The following KCNQ5 variants were observed in gnomAD, a reference collection of about 807,000 sequenced individuals.
The protein encoded by KCNQ5 is potassium voltage-gated channel subfamily KQT member 5.
In KCNQ5, 30 loss-of-function variants were observed where a neutral mutation model predicts 98.2. The observed-to-expected ratio is 0.31, with a 90% CI of 0.23 to 0.41. The LOEUF is 0.41. Among genes scored for constraint, KCNQ5 ranks in the 10% least tolerant of loss-of-function variants. The pLI is 1.00. For synonymous variants in KCNQ5, 458 were observed against 449.4 expected (o/e 1.02, Z -0.24); for missense variants, 835 against 1,182.5 (o/e 0.71, Z 4.31).
At chr6:72,785,626 G>C (rs1773699028) in intron 1 of KCNQ5, among the ~76,000 whole-genome samples, 1 of 148,696 alleles carries the variant, frequency 6.7e-6, no homozygotes, top group Non-Finnish European at 1.5e-5. Context: ...CTCCAGCCTG[G>C]GCAACAAGAG....
rs542923213 is a variant in KCNQ5 at position 72,684,392 on chromosome 6, C to T, written c.398+61805C>T. On this transcript the variant is annotated intron_variant, in intron 1 of 13. Transcript: ENST00000370398. ...CACCGACAAAGTATTGTGGTTTCTT[C>T]CCAAGAAACTATTTCTTAACTATTT... is the stretch of plus-strand genomic sequence containing the variant. 3.3e-5 allele frequency among the ~76,000 whole-genome samples: 5 copies of T among 152,270 alleles called. No individual in the cohort carries two copies. In the South Asian group the frequency reaches 1.0e-3, roughly 32 times the overall value.
chr6:73,129,743 C>T (rs763703581), intron 9 of KCNQ5: 3 of 1,510,810 alleles, frequency 2.0e-6, no homozygotes, highest in Non-Finnish European at 2.7e-6. Context: ...GAGCACTTTC[C>T]TATTCGTGAA....
intron 1 of KCNQ5, among the ~76,000 whole-genome samples, chr6:72,729,121 T>C (rs1770427732): frequency 6.6e-6 from 1 of 152,210 alleles, no homozygotes; most frequent in African/African-American, 2.4e-5. Context: ...CTATGTATTA[T>C]TCCATTTAAT....
At chr6:72,832,129 A>G (rs1776301314) in intron 1 of KCNQ5, among the ~76,000 whole-genome samples, 1 of 152,126 alleles carries the variant, frequency 6.6e-6, no homozygotes, top group African/African-American at 2.4e-5. Flanking sequence ...AGTCTGGACT[A>G]AAGATGCATA....
At position 73,194,407 on chromosome 6, in the gene KCNQ5, T is replaced by C. The variant is rs573131489; in HGVS notation, c.1837-45T>C. The stretch of plus-strand genomic sequence containing the variant: ...AAAATTAAAAAATGAAGTCCATTCT[T>C]AATAACAGATTATACTCATGTGTAA... On this transcript the variant is annotated intron_variant, in intron 13 of 13. Coordinates refer to ENST00000370398, the MANE Select transcript of KCNQ5 (RefSeq NM_019842.4). 4 of 1,533,846 alleles carry C rather than the reference T, an allele frequency of 2.6e-6. No homozygotes were observed. The East Asian group carries it at 9.1e-5, about 35-fold the overall frequency.
intron 1 of KCNQ5, among the ~76,000 whole-genome samples, chr6:72,823,158 A>G (rs1358121083): frequency 1.3e-5 from 2 of 152,162 alleles, no homozygotes; most frequent in East Asian, 3.9e-4. Context: ...CTTAATTGTA[A>G]ATTTGAAACT....
At chr6:72,851,508 G>GT (rs1360853936) in intron 1 of KCNQ5, among the ~76,000 whole-genome samples, 2 of 151,840 alleles carry the variant, frequency 1.3e-5, no homozygotes, top group Admixed American at 6.6e-5. Context: ...ATTCCCACTT[G>GT]TTTTTTTAAT....
At chr6:73,191,915 G>C (rs945043442) in intron 12 of KCNQ5, among the ~76,000 whole-genome samples, 3 of 152,138 alleles carry the variant, frequency 2.0e-5, no homozygotes, top group Non-Finnish European at 4.4e-5. Flanking sequence ...TCTCATTTAG[G>C]CTGGTCAAGT....
intron 1 of KCNQ5, among the ~76,000 whole-genome samples, chr6:72,734,921 T>C (rs1049646861): frequency 2.0e-5 from 3 of 152,218 alleles, no homozygotes; most frequent in Non-Finnish European, 4.4e-5. Flanking sequence ...TAATCTAATT[T>C]TCAATTTCAC....
chr6:72,867,262 A>G (rs923771745), intron 1 of KCNQ5, among the ~76,000 whole-genome samples: 4 of 152,256 alleles, frequency 2.6e-5, no homozygotes, highest in African/African-American at 9.6e-5. Context: ...TCTTTAAAAA[A>G]GTAATTGTAA....
At chr6:73,059,435 A>G (rs1309954536) in intron 3 of KCNQ5, among the ~76,000 whole-genome samples, 1 of 152,156 alleles carries the variant, frequency 6.6e-6, no homozygotes, top group African/African-American at 2.4e-5. Flanking sequence ...GAGGAGGGAG[A>G]GCATAAAAAA....
In KCNQ5 at chr6:72,835,545, A is replaced by G. The variant is rs545923802; in HGVS notation, c.399-168363A>G. 3.3e-5 allele frequency among the ~76,000 whole-genome samples: 5 copies of G among 152,302 alleles called. No individual in the cohort carries two copies. The South Asian group carries it at 1.0e-3, about 32-fold the overall frequency. On this transcript the variant is annotated intron_variant, in intron 1 of 13. Transcript: ENST00000370398. Reference sequence around the variant, plus strand: ...TTCACTCACTATTTTTATCATGAGTAGAGTAAATTTATCAACCATGTTATT... The same window carrying G: ...TTCACTCACTATTTTTATCATGAGTGGAGTAAATTTATCAACCATGTTATT...
intron 1 of KCNQ5, among the ~76,000 whole-genome samples, chr6:72,834,170 C>T (rs1170248316): frequency 6.6e-6 from 1 of 151,894 alleles, no homozygotes; most frequent in Non-Finnish European, 1.5e-5. Context: ...GGGGTGGATA[C>T]ATGAGTGTTT....
At chr6:72,856,471 T>TAC (rs3035183) in intron 1 of KCNQ5, among the ~76,000 whole-genome samples, 2,314 of 148,826 alleles carry the variant, frequency 0.016, 49 homozygotes, top group African/African-American at 0.046. Context: ...CACACATATA[T>TAC]ACACACACAC....
chr6:72,665,911 A>T (rs1485746785), intron 1 of KCNQ5, among the ~76,000 whole-genome samples: 1 of 152,184 alleles, frequency 6.6e-6, no homozygotes, highest in East Asian at 1.9e-4. Context: ...AATTTTAGTC[A>T]TTATTTGGCT....
chr6:73,192,385 T>A (rs1765622807), intron 12 of KCNQ5, among the ~76,000 whole-genome samples, 180 bp from the exon 13 acceptor site: 1 of 152,230 alleles, frequency 6.6e-6, no homozygotes, highest in Non-Finnish European at 1.5e-5. Flanking sequence ...ATGAGAAAAT[T>A]AATTTCATGT....
At chr6:73,164,739 T>G (rs944374621) in intron 10 of KCNQ5, among the ~76,000 whole-genome samples, 3 of 152,238 alleles carry the variant, frequency 2.0e-5, no homozygotes, top group Non-Finnish European at 4.4e-5. Context: ...TTATGCTATT[T>G]CATTATTTGG....
intron 10 of KCNQ5, 87 bp downstream of exon 10, chr6:73,133,728 T>C (rs1776337892): frequency 1.3e-5 from 15 of 1,166,570 alleles, no homozygotes; most frequent in Non-Finnish European, 1.6e-5. Flanking sequence ...ATAGTGCCAC[T>C]TGAAGAAAGA....
chr6:73,082,538 C>T (rs1410954178), intron 5 of KCNQ5, among the ~76,000 whole-genome samples: 1 of 152,116 alleles, frequency 6.6e-6, no homozygotes, highest in Non-Finnish European at 1.5e-5. Context: ...GGAATTATGT[C>T]CAATATCGTG....
Sources: allele counts gnomAD v4.1 joint callset (sites outside exome capture counted in the v4.1 genomes callset), GRCh38; gene constraint gnomAD v4.1.1; transcripts MANE v1.5; gene names NCBI Gene and HGNC (gene_info 2026-07-23, HGNC 2026-07-21).